Variants in SCAF11 observed in about 807,000 individuals in gnomAD.
SCAF11 encodes the protein protein SCAF11.
In SCAF11, 47 loss-of-function variants were observed where a neutral mutation model predicts 140.5. That is an observed-to-expected ratio of 0.33 (90% CI 0.26 to 0.43). The LOEUF is 0.43. SCAF11 is among the 20% of genes least tolerant of loss of function. The pLI, the probability that SCAF11 is intolerant of heterozygous loss-of-function variation, is 1.00. For missense variants in SCAF11, 1,645 were observed against 1,705.1 expected, an observed-to-expected ratio of 0.96 and a Z score of 0.62; for synonymous variants, 557 against 579.4, an observed-to-expected ratio of 0.96 and a Z score of 0.55.
chr12:45,925,144 C>T lies in SCAF11; in HGVS notation c.3560-70G>A, dbSNP rs1189073048. Reference sequence around the variant, plus strand: ...CTCTTTAGACAGAGAAACAAAGAACCACTGGTTACAGTAAAATTAAATAGC... The same window carrying T: ...CTCTTTAGACAGAGAAACAAAGAACTACTGGTTACAGTAAAATTAAATAGC... On this transcript the variant is annotated intron_variant, in intron 11 of 14. Coordinates refer to ENST00000369367, the MANE Select transcript of SCAF11 (RefSeq NM_004719.3). 26 of 1,204,848 alleles carry T rather than the reference C, an allele frequency of 2.2e-5. No homozygotes were observed. The East Asian group carries it at 6.1e-4, about 28-fold the overall frequency. The allele number at this position is 1,204,848 out of a possible 1,614,324, so 74.6% of individuals were successfully genotyped here. A position where few individuals can be genotyped will look rare whatever the true frequency, so the allele number is the denominator to read the frequency against.
At chr12:45,951,786 A>C (rs1460337887) in intron 3 of SCAF11, 59 bp from the exon 4 acceptor site, 1 of 1,054,382 alleles carries the variant, frequency 9.5e-7, no homozygotes, top group Non-Finnish European at 1.4e-6. Context: ...AAAATTATAA[A>C]TACAATTATA....
intron 1 of SCAF11, among the ~76,000 whole-genome samples, chr12:45,977,896 A>C (rs1946269502): frequency 1.3e-5 from 2 of 152,292 alleles, no homozygotes; most frequent in East Asian, 3.9e-4. Flanking sequence ...TAACAACTGC[A>C]CTAAATTCTA....
chr12:45,982,067 A>C lies in SCAF11; in HGVS notation c.-22+8286T>G, dbSNP rs114415796. Reference sequence around the variant, plus strand: ...AACTATATTTTAAACCTTTTTAAAGAGTCTAAGTGGATTTGTTTACCCTCC... The same window carrying C: ...AACTATATTTTAAACCTTTTTAAAGCGTCTAAGTGGATTTGTTTACCCTCC... On this transcript the variant is annotated intron_variant, in intron 1 of 14. Coordinates refer to ENST00000369367, the MANE Select transcript of SCAF11 (RefSeq NM_004719.3). Among the ~76,000 whole-genome samples, 914 of 152,302 alleles carry C rather than the reference A, an allele frequency of 6.0e-3. 9 individuals carry two copies. The highest frequency in any genetic ancestry group is 0.021 in the African/African-American group (871 of 41,560).
chr12:45,923,701 G>C (rs1944769451), intron 12 of SCAF11, among the ~76,000 whole-genome samples: 1 of 151,822 alleles, frequency 6.6e-6, no homozygotes. Flanking sequence ...TATTTATTTA[G>C]AGACGAAGTC....
At position 45,922,207 on chromosome 12, in the gene SCAF11, G is replaced by T; in HGVS notation, c.4246-13C>A. 3 of 1,586,974 alleles carry T rather than the reference G, an allele frequency of 1.9e-6. No homozygotes were observed. Among genetic ancestry groups the T allele is most frequent in the Non-Finnish European group, 2.6e-6 (3 of 1,173,110 alleles). On this transcript the variant is annotated splice_polypyrimidine_tract_variant and intron_variant, in intron 14 of 14. Transcript: ENST00000369367. ...TACTATGACAAACCTAAGAAAAAAG[G>T]GGTGGGGGGTAAACTTTTTTCATGC...
In SCAF11 at chr12:45,920,266, T is replaced by G. The variant is rs1398359940; in HGVS notation, c.*1782A>C. On this transcript the variant is annotated 3_prime_UTR_variant, in exon 15 of 15. Transcript: ENST00000369367. ...TATGGGACCAACATTTCAAAATATTTTGCCTATCAAAGCTAGCACCAGGAA... is the reference window on the plus strand; with the variant it reads ...TATGGGACCAACATTTCAAAATATTGTGCCTATCAAAGCTAGCACCAGGAA... The G allele has an allele frequency of 6.6e-6, 1 of 152,186 alleles. No individual in the cohort carries two copies. 9.4% of individuals were successfully genotyped at this position (152,186 alleles called of 1,614,324 possible). A position where few individuals can be genotyped will look rare whatever the true frequency, so the allele number is the denominator to read the frequency against.
At chr12:45,959,504 C>G (rs1269122227) in intron 3 of SCAF11, among the ~76,000 whole-genome samples, 1 of 152,108 alleles carries the variant, frequency 6.6e-6, no homozygotes. Context: ...GACACTTATT[C>G]CTGATCCTGA....
At chr12:45,936,872 T>C (rs937305817) in intron 6 of SCAF11, among the ~76,000 whole-genome samples, 16 of 152,220 alleles carry the variant, frequency 1.1e-4, no homozygotes, top group African/African-American at 3.6e-4. Flanking sequence ...GATAGTTTGA[T>C]AGGTTATAGA....
rs905811284 is a variant in SCAF11, at chr12:45,990,481, G to A, written c.-150C>T. 7 of 1,231,800 alleles carry A rather than the reference G, an allele frequency of 5.7e-6. No individual in the cohort carries two copies. In the South Asian group the frequency reaches 1.2e-4, roughly 22 times the overall value. 76.3% of individuals were successfully genotyped at this position (1,231,800 alleles called of 1,614,324 possible). On this transcript the variant is annotated 5_prime_UTR_variant, in exon 1 of 15. Coordinates refer to ENST00000369367, the MANE Select transcript of SCAF11 (RefSeq NM_004719.3). ...GCTTTGTGGTGTTACAGGGTCTCTA[G>A]GACACTGACTCCGCTGGCTCGGTCC...
intron 1 of SCAF11, chr12:45,974,117 A>G (rs1946177859): frequency 2.2e-6 from 1 of 460,502 alleles, no homozygotes; most frequent in South Asian, 1.6e-5. Flanking sequence ...ATATATGTTT[A>G]TATTATACTG....
At chr12:45,924,203 A>T (rs1207174375) in intron 12 of SCAF11, among the ~76,000 whole-genome samples, 1 of 152,206 alleles carries the variant, frequency 6.6e-6, no homozygotes, top group Non-Finnish European at 1.5e-5. Context: ...TTTGCAAATT[A>T]TTCAAATTTT....
chr12:45,990,711 C>T (rs956863610), upstream of SCAF11: 8 of 670,712 alleles, frequency 1.2e-5, no homozygotes, highest in South Asian at 7.8e-5. Context: ...CTTACTCGCT[C>T]GCTCTGGCCC....
chr12:45,966,062 T>C (rs1565684951), intron 1 of SCAF11, among the ~76,000 whole-genome samples: 1 of 152,216 alleles, frequency 6.6e-6, no homozygotes, highest in Non-Finnish European at 1.5e-5. Context: ...TGTGCAACAT[T>C]AGTTTTAGTT....
At chr12:45,930,515 G>A (rs1444284025) in intron 10 of SCAF11, among the ~76,000 whole-genome samples, 1 of 147,220 alleles carries the variant, frequency 6.8e-6, no homozygotes, top group African/African-American at 2.5e-5. Flanking sequence ...GTGCAGTGGT[G>A]CAATCATGGC....
At chr12:45,940,557 A>G (rs1945272390) in intron 6 of SCAF11, among the ~76,000 whole-genome samples, 1 of 152,200 alleles carries the variant, frequency 6.6e-6, no homozygotes, top group Non-Finnish European at 1.5e-5. Context: ...CGGACAAGAC[A>G]TTTAGCCTTT....
At position 45,926,465 on chromosome 12, in the gene SCAF11, C is replaced by T. The variant is rs757813247; in HGVS notation, c.3236G>A (p.Gly1079Asp). The change falls in exon 11 of 15, where the codon GGC (glycine) becomes GAC (aspartate). Residue 1079 changes from glycine (G) to aspartate (D), a missense_variant. Gly to Asp is a moderately conservative substitution (Grantham distance 94). Coordinates refer to ENST00000369367, the MANE Select transcript of SCAF11 (RefSeq NM_004719.3). ...SNRGRGRGNR[G>D]RGTYRSSFAY... ...AAAACTACTTCTGTAAGTGCCTCTG[C>T]CACGGTTGCCTCTGCCTCTACCACG... The T allele has an allele frequency of 1.2e-6, 2 of 1,614,192 alleles. No homozygotes were observed. Among genetic ancestry groups the T allele is most frequent in the Non-Finnish European group, 1.7e-6 (2 of 1,180,028 alleles).
At chr12:45,959,217 G>A (rs1472526624) in intron 3 of SCAF11, among the ~76,000 whole-genome samples, 4 of 151,802 alleles carry the variant, frequency 2.6e-5, no homozygotes, top group Admixed American at 2.0e-4. Flanking sequence ...GCAGTGAGCC[G>A]AGATGGTTCC....
rs559617488 is a variant in SCAF11 at position 45,974,528 on chromosome 12, C to G, written c.-21-10340G>C. Reference sequence around the variant, plus strand: ...TATACTATTTTAACAATGTTCACATCTTCAGCAAGAGCACATTCCATCTCA... The same window carrying G: ...TATACTATTTTAACAATGTTCACATGTTCAGCAAGAGCACATTCCATCTCA... On this transcript the variant is annotated intron_variant, in intron 1 of 14. Coordinates refer to ENST00000369367, the MANE Select transcript of SCAF11 (RefSeq NM_004719.3). The G allele has an allele frequency of 9.1e-4, 176 of 193,440 alleles. 1 individual carries two copies. Among genetic ancestry groups the G allele is most frequent in the African/African-American group, 4.0e-3 (173 of 42,870 alleles). The allele number at this position is 193,440 out of a possible 1,614,324, so 12.0% of individuals were successfully genotyped here. A position where few individuals can be genotyped will look rare whatever the true frequency, so the allele number is the denominator to read the frequency against.
intron 1 of SCAF11, among the ~76,000 whole-genome samples, chr12:45,972,004 G>T (rs899896115): frequency 6.6e-6 from 1 of 152,066 alleles, no homozygotes; most frequent in Admixed American, 6.5e-5. Flanking sequence ...ATAACAGAGA[G>T]AAAAGAACTC....
Sources: gnomAD v4.1 joint callset for allele counts (sites outside exome capture counted in the v4.1 genomes callset) on GRCh38, gnomAD v4.1.1 for gene constraint, MANE v1.5 for transcripts, NCBI Gene and HGNC (gene_info 2026-07-23, HGNC 2026-07-21) for gene names.